The following ITGA9 variants were observed in gnomAD, a reference collection of about 807,000 sequenced individuals.
ITGA9 encodes integrin alpha-9.
Under a neutral mutation model 127.8 loss-of-function variants are expected in ITGA9, and 56 were observed. The observed-to-expected ratio is 0.44, with a 90% CI of 0.35 to 0.55. ITGA9 has a LOEUF of 0.55. ITGA9 is among the 20% of genes least tolerant of loss of function. ITGA9 has a pLI of 0.00. For synonymous variants in ITGA9, 508 were observed against 514.5 expected (o/e 0.99, Z 0.17); for missense variants, 1,196 against 1,347.1 (o/e 0.89, Z 1.76).
At chr3:37,800,441 C>T (rs1237043886) in intron 26 of ITGA9, among the ~76,000 whole-genome samples, 1 of 152,178 alleles carries the variant, frequency 6.6e-6, no homozygotes, top group Non-Finnish European at 1.5e-5. Context: ...TTAAAGCCAG[C>T]GCTCCTCCCT....
At chr3:37,578,295 C>A (rs778578992) in intron 15 of ITGA9, among the ~76,000 whole-genome samples, 21 of 152,228 alleles carry the variant, frequency 1.4e-4, no homozygotes, top group Admixed American at 3.9e-4. Context: ...TGGATGAGCT[C>A]ATTTCATAAG....
intron 15 of ITGA9, among the ~76,000 whole-genome samples, chr3:37,554,067 A>G (rs752707984): frequency 7.9e-5 from 12 of 152,112 alleles, no homozygotes; most frequent in Non-Finnish European, 1.6e-4. Flanking sequence ...GTGAAGAGAC[A>G]AGGATCCTTG....
chr3:37,571,689 C>G (rs1310454805), intron 15 of ITGA9, among the ~76,000 whole-genome samples: 1 of 152,110 alleles, frequency 6.6e-6, no homozygotes. Flanking sequence ...TGGGACCACA[C>G]TCTGAGATAC....
At chr3:37,645,661 G>A (rs992128966) in intron 16 of ITGA9, among the ~76,000 whole-genome samples, 1 of 151,998 alleles carries the variant, frequency 6.6e-6, no homozygotes, top group African/African-American at 2.4e-5. Flanking sequence ...CTTTTTTTAG[G>A]CCTCAGCATG....
chr3:37,763,598 A>C (rs1348722867), intron 23 of ITGA9, among the ~76,000 whole-genome samples: 1 of 152,160 alleles, frequency 6.6e-6, no homozygotes, highest in East Asian at 1.9e-4. Context: ...CTGATTTTTA[A>C]AGCCTGCACA....
chr3:37,704,329 C>T (rs990255725), intron 18 of ITGA9, among the ~76,000 whole-genome samples: 4 of 152,296 alleles, frequency 2.6e-5, no homozygotes, highest in African/African-American at 7.2e-5. Context: ...GAGGTGCCCG[C>T]GTGTCTCCAC....
At chr3:37,512,174 CT>C (rs1228065505) in intron 8 of ITGA9, among the ~76,000 whole-genome samples, 3 of 24,906 alleles carry the variant, frequency 1.2e-4, no homozygotes, top group African/African-American at 4.4e-4. Flanking sequence ...CTTTTCTTTT[CT>C]TTTCTTTTCT....
Position 37,545,945 on chromosome 3 carries a change from CA to C in ITGA9, c.1689+3361del, listed in dbSNP as rs1399821495. 3.3e-5 allele frequency among the ~76,000 whole-genome samples: 5 copies of C among 152,204 alleles called. 1 individual carries two copies. Among genetic ancestry groups the C allele is most frequent in the African/African-American group, 1.2e-4 (5 of 41,454 alleles). ...CCTTGGTTCTTATGCTCACAGAAGT[CA>C]GAGGCCCGGTTTGTGTCATATTCAT... On this transcript the variant is annotated intron_variant, in intron 15 of 27. Coordinates refer to ENST00000264741, the MANE Select transcript of ITGA9 (RefSeq NM_002207.3).
At chr3:37,571,124 C>T (rs60268569) in intron 15 of ITGA9, among the ~76,000 whole-genome samples, 6,049 of 152,156 alleles carry the variant, frequency 0.04, 391 homozygotes, top group African/African-American at 0.14. Context: ...TTTTTGGGGG[C>T]AGGAGGGATT....
intron 19 of ITGA9, among the ~76,000 whole-genome samples, chr3:37,734,528 C>T (rs913053986): frequency 1.3e-5 from 2 of 152,172 alleles, no homozygotes; most frequent in Admixed American, 6.5e-5. Context: ...CTCTCTCTGT[C>T]GCCCAGGCTG....
chr3:37,622,614 G>A (rs550154892), intron 15 of ITGA9, among the ~76,000 whole-genome samples: 14 of 152,180 alleles, frequency 9.2e-5, no homozygotes, highest in Admixed American at 8.5e-4. Context: ...AGGCCAAGGC[G>A]GGTAGATCAC....
chr3:37,526,185 A>G, intron 13 of ITGA9, 114 bp downstream of exon 13: 1 of 901,868 alleles, frequency 1.1e-6, no homozygotes, highest in Non-Finnish European at 1.9e-6. Context: ...GGAGGTGCTT[A>G]GTAAGTGGAA....
At position 37,757,662 on chromosome 3, in the gene ITGA9, A is replaced by C. The variant is rs1421164921; in HGVS notation, c.2541+7093A>C. ...CCTGTCTCAAAAAAACAAAAACAAA[A>C]CAAAAAAATCTTTTCAATTTTATTC... is the stretch of plus-strand genomic sequence containing the variant. On this transcript the variant is annotated intron_variant, in intron 23 of 27. Transcript: ENST00000264741. 2.0e-5 allele frequency among the ~76,000 whole-genome samples: 3 copies of C among 151,752 alleles called. No individual in the cohort carries two copies. In the East Asian group the frequency reaches 5.8e-4, roughly 29 times the overall value.
intron 26 of ITGA9, among the ~76,000 whole-genome samples, chr3:37,802,380 G>T (rs1198043936): frequency 2.4e-4 from 36 of 152,216 alleles, no homozygotes; most frequent in Admixed American, 2.3e-3. Context: ...GGACCAGTGG[G>T]CTTCAGCGAT....
intron 1 of ITGA9, among the ~76,000 whole-genome samples, chr3:37,469,190 C>T (rs914773105): frequency 6.6e-6 from 1 of 152,192 alleles, no homozygotes; most frequent in African/African-American, 2.4e-5. Context: ...TTTCCTGTAG[C>T]CGGGGGATGC....
intron 7 of ITGA9, among the ~76,000 whole-genome samples, chr3:37,507,747 C>G (rs1306569736): frequency 2.6e-5 from 4 of 152,066 alleles, no homozygotes; most frequent in Non-Finnish European, 5.9e-5. Flanking sequence ...TCCCAAGGAC[C>G]CCTGGCCTTC....
intron 25 of ITGA9, among the ~76,000 whole-genome samples, chr3:37,780,719 A>C (rs1409056050): frequency 6.6e-6 from 1 of 152,164 alleles, no homozygotes; most frequent in East Asian, 1.9e-4. Context: ...ATGGAATGGC[A>C]GTTCTATTTT....
Position 37,712,945 on chromosome 3 carries a change from G to C in ITGA9, c.2068-19767G>C, listed in dbSNP as rs149729467. 3.0e-3 allele frequency among the ~76,000 whole-genome samples: 457 copies of C among 152,288 alleles called. 2 individuals are homozygous for C. The highest frequency in any genetic ancestry group is 7.5e-3 in the Admixed American group (115 of 15,300). On this transcript the variant is annotated intron_variant, in intron 18 of 27. Coordinates refer to ENST00000264741, the MANE Select transcript of ITGA9 (RefSeq NM_002207.3). ...TTTACCAATGAAGTGTTGGCACTCA[G>C]AGCAGGCAAGTAGCTTGGCCAGAGT...
At chr3:37,542,925 T>A (rs1013817298) in intron 15 of ITGA9, among the ~76,000 whole-genome samples, 3 of 152,072 alleles carry the variant, frequency 2.0e-5, no homozygotes, top group African/African-American at 7.2e-5. Flanking sequence ...CATGTGCCTC[T>A]GGGTCTGCAG....
Sources: gnomAD v4.1 joint callset for allele counts (sites outside exome capture counted in the v4.1 genomes callset) on GRCh38, gnomAD v4.1.1 for gene constraint, MANE v1.5 for transcripts, NCBI Gene and HGNC (gene_info 2026-07-23, HGNC 2026-07-21) for gene names.